The following PLCB4 variants were observed in gnomAD, a reference collection of about 807,000 sequenced individuals.
PLCB4 encodes the protein 1-phosphatidylinositol 4,5-bisphosphate phosphodiesterase beta-4.
Under a neutral mutation model 178.8 loss-of-function variants are expected in PLCB4, and 77 were observed. That is an observed-to-expected ratio of 0.43 (90% confidence interval 0.36 to 0.52). The LOEUF (loss-of-function observed/expected upper bound fraction) is 0.52, where lower values mean the gene tolerates loss of function less well. PLCB4 is among the 20% of genes least tolerant of loss of function. PLCB4 has a pLI of 0.00. For synonymous variants in PLCB4, 496 were observed against 490.8 expected, an observed-to-expected ratio of 1.01 and a Z score of -0.14; for missense variants, 1,024 against 1,453.4, an observed-to-expected ratio of 0.70 and a Z score of 4.80.
intron 9 of PLCB4, 24 bp downstream of exon 9, chr20:9,365,538 G>A (rs973678048): frequency 2.7e-6 from 4 of 1,507,222 alleles, no homozygotes; most frequent in Admixed American, 1.7e-5. Context: ...CCTATCTGCT[G>A]TCCGTGTCCC....
At chr20:9,276,667 T>C (rs1297631954) in intron 3 of PLCB4, among the ~76,000 whole-genome samples, 1 of 152,078 alleles carries the variant, frequency 6.6e-6, no homozygotes, top group Non-Finnish European at 1.5e-5. Flanking sequence ...ACCACACATG[T>C]CATTTCTGCC....
rs115622075 is a variant in PLCB4 at position 9,356,584 on chromosome 20, A to G, written c.370-6312A>G. On this transcript the variant is annotated intron_variant, in intron 7 of 39. Coordinates refer to ENST00000378473, the MANE Select transcript of PLCB4 (RefSeq NM_001377142.1). ...TTAGACAAGATTAGATCCTGTGGCAATCTTTATTTGAAAAGCTTCATAGTT... is the reference window on the plus strand; with the variant it reads ...TTAGACAAGATTAGATCCTGTGGCAGTCTTTATTTGAAAAGCTTCATAGTT... Among the ~76,000 whole-genome samples the G allele has an allele frequency of 5.3e-3, 811 of 152,306 alleles. 3 individuals carry two copies. The highest frequency in any genetic ancestry group is 0.018 in the African/African-American group (765 of 41,552).
chr20:9,391,544 T>A (rs997066787), intron 17 of PLCB4, among the ~76,000 whole-genome samples: 1 of 152,202 alleles, frequency 6.6e-6, no homozygotes, highest in African/African-American at 2.4e-5. Context: ...CAGAAGTGTG[T>A]CTATGGGAAC....
chr20:9,463,123 A>T lies in PLCB4; in HGVS notation c.3248+3313A>T, dbSNP rs909951417. On this transcript the variant is annotated intron_variant, in intron 35 of 39. Transcript: ENST00000378473. ...GTAGGGGCCAATATTCAACATTCTT[A>T]AAGAAAGGATTTTCAACCCAGAATT... 5.9e-5 allele frequency among the ~76,000 whole-genome samples: 9 copies of T among 152,216 alleles called. 1 individual carries two copies. The highest frequency in any genetic ancestry group is 2.2e-4 in the African/African-American group (9 of 41,448).
chr20:9,333,920 A>G (rs1280331828), intron 4 of PLCB4, among the ~76,000 whole-genome samples: 1 of 152,142 alleles, frequency 6.6e-6, no homozygotes, highest in Non-Finnish European at 1.5e-5. Context: ...TGGAGGGGAG[A>G]GAATAAAGAG....
intron 4 of PLCB4, among the ~76,000 whole-genome samples, chr20:9,325,734 C>T (rs1034717496): frequency 1.3e-5 from 2 of 152,168 alleles, no homozygotes; most frequent in Non-Finnish European, 2.9e-5. Context: ...ACAGTTTGGC[C>T]TCTCCCAGGT....
intron 2 of PLCB4, among the ~76,000 whole-genome samples, chr20:9,188,159 A>G (rs2147123460): frequency 6.6e-6 from 1 of 152,354 alleles, no homozygotes; most frequent in East Asian, 1.9e-4. Context: ...AAATAAAATG[A>G]AAAGTGTGCC....
chr20:9,147,743 C>T (rs1221474664), intron 2 of PLCB4, among the ~76,000 whole-genome samples: 1 of 152,138 alleles, frequency 6.6e-6, no homozygotes, highest in Non-Finnish European at 1.5e-5. Flanking sequence ...ACTTTTCAAG[C>T]CTTTCTTTGC....
intron 2 of PLCB4, among the ~76,000 whole-genome samples, chr20:9,124,809 T>C (rs1375316201): frequency 6.6e-6 from 1 of 152,210 alleles, no homozygotes; most frequent in Non-Finnish European, 1.5e-5. Flanking sequence ...TTTATTTGCA[T>C]GTATCATCTT....
At chr20:9,221,875 C>T (rs1255203137) in intron 3 of PLCB4, among the ~76,000 whole-genome samples, 2 of 152,104 alleles carry the variant, frequency 1.3e-5, no homozygotes, top group Non-Finnish European at 2.9e-5. Flanking sequence ...TTTCCAGGCA[C>T]ACAGGTTAAC....
intron 9 of PLCB4, chr20:9,370,871 T>C: frequency 5.9e-6 from 1 of 169,326 alleles, no homozygotes; most frequent in Non-Finnish European, 1.3e-5. Context: ...ATAGCGCCAC[T>C]GCACTCCAGC....
At chr20:9,343,180 C>T (rs1205617767) in intron 7 of PLCB4, among the ~76,000 whole-genome samples, 1 of 151,984 alleles carries the variant, frequency 6.6e-6, no homozygotes, top group Non-Finnish European at 1.5e-5. Context: ...TATGAGTATC[C>T]TATGAGATTC....
chr20:9,213,128 CTTTTTTTTT>C (rs56785951), intron 2 of PLCB4, among the ~76,000 whole-genome samples: 11 of 35,726 alleles, frequency 3.1e-4, no homozygotes, highest in Admixed American at 9.7e-4. Context: ...CGTTAGCATA[CTTTTTTTTT>C]TTTTTTTTTT....
At chr20:9,231,560 C>G (rs1356049095) in intron 3 of PLCB4, among the ~76,000 whole-genome samples, 1 of 152,052 alleles carries the variant, frequency 6.6e-6, no homozygotes, top group African/African-American at 2.4e-5. Context: ...TAGCAGTGCT[C>G]CTTAGCCTCG....
At chr20:9,260,074 G>A (rs1281715924) in intron 3 of PLCB4, among the ~76,000 whole-genome samples, 1 of 151,868 alleles carries the variant, frequency 6.6e-6, no homozygotes, top group African/African-American at 2.4e-5. Context: ...TCCCAGAAGT[G>A]GACCAGGGTG....
intron 21 of PLCB4, 36 bp downstream of exon 21, chr20:9,405,384 A>G: frequency 4.7e-6 from 6 of 1,264,818 alleles, no homozygotes; most frequent in Non-Finnish European, 6.7e-6. Context: ...TTTAAATCAG[A>G]TGCATCTAAT....
intron 3 of PLCB4, among the ~76,000 whole-genome samples, chr20:9,274,460 T>C (rs2094434263): frequency 6.6e-6 from 1 of 152,110 alleles, no homozygotes; most frequent in Non-Finnish European, 1.5e-5. Flanking sequence ...TCCTTAGATA[T>C]TAAGACTGAA....
intron 7 of PLCB4, among the ~76,000 whole-genome samples, chr20:9,350,963 T>C (rs187507777): frequency 6.6e-6 from 1 of 152,188 alleles, no homozygotes; most frequent in African/African-American, 2.4e-5. Flanking sequence ...TTTAGGCAAA[T>C]GTTTTAAGAT....
In PLCB4 at chr20:9,179,883, G is replaced by T. The variant is rs1396393953; in HGVS notation, c.-78-37507G>T. Among the ~76,000 whole-genome samples the T allele has an allele frequency of 2.6e-5, 4 of 152,050 alleles. No homozygotes were observed. In the East Asian group the frequency reaches 7.7e-4, roughly 29 times the overall value. On this transcript the variant is annotated intron_variant, in intron 2 of 39. Coordinates refer to ENST00000378473, the MANE Select transcript of PLCB4 (RefSeq NM_001377142.1). ...TGAAAATTCTAAAATTATTTGCCTT[G>T]CATAAAATGAAAGAAACAAAACACA... is the stretch of plus-strand genomic sequence containing the variant.
Sources: gnomAD v4.1 joint callset for allele counts (sites outside exome capture counted in the v4.1 genomes callset) on GRCh38, gnomAD v4.1.1 for gene constraint, MANE v1.5 for transcripts, NCBI Gene and HGNC (gene_info 2026-07-23, HGNC 2026-07-21) for gene names.